ODAD2: variants seen among roughly 807,000 people sequenced by gnomAD.
ODAD2 encodes the protein outer dynein arm-docking complex subunit 2.
In ODAD2, 89 loss-of-function variants were observed where a neutral mutation model predicts 106.8. The observed-to-expected ratio is 0.83, with a 90% CI of 0.70 to 0.99. The LOEUF is 0.99. Among genes scored for constraint, ODAD2 ranks in the 50% least tolerant of loss-of-function variants. ODAD2 has a pLI of 0.00. For synonymous variants in ODAD2, 404 were observed against 436.2 expected (o/e 0.93, Z 0.92); for missense variants, 1,168 against 1,238.5 (o/e 0.94, Z 0.85).
At chr10:27,924,614 GAAAAAA>G (rs60226782) in intron 16 of ODAD2, among the ~76,000 whole-genome samples, 10 of 12,648 alleles carry the variant, frequency 7.9e-4, no homozygotes, top group South Asian at 6.7e-3. Context: ...TGATTAGGAG[GAAAAAA>G]AAAAAAAAAA....
At chr10:27,893,171 GAA>G (rs2133725566) in intron 17 of ODAD2, among the ~76,000 whole-genome samples, 1 of 151,144 alleles carries the variant, frequency 6.6e-6, no homozygotes, top group East Asian at 1.9e-4. Flanking sequence ...AAAAAAAGAA[GAA>G]GAAAAGAAAG....
chr10:27,940,420 A>G, intron 13 of ODAD2, 143 bp downstream of exon 13: 9 of 881,948 alleles, frequency 1.0e-5, no homozygotes, highest in East Asian at 2.6e-5. Context: ...TTAACGTCCT[A>G]TCAGTTGGAT....
At chr10:27,915,897 T>C (rs912654644) in intron 16 of ODAD2, among the ~76,000 whole-genome samples, 17 of 152,138 alleles carry the variant, frequency 1.1e-4, no homozygotes, top group African/African-American at 4.1e-4. Context: ...TGTTCACATT[T>C]GTTCATATAT....
At chr10:27,895,127 A>T (rs1366720536) in intron 17 of ODAD2, among the ~76,000 whole-genome samples, 1 of 150,796 alleles carries the variant, frequency 6.6e-6, no homozygotes, top group Non-Finnish European at 1.5e-5. Flanking sequence ...GCTTTTCTTT[A>T]GTTTCTAAAA....
intron 19 of ODAD2, among the ~76,000 whole-genome samples, chr10:27,831,793 TG>T (rs1280922961): frequency 2.6e-5 from 4 of 152,252 alleles, no homozygotes; most frequent in Non-Finnish European, 5.9e-5. Context: ...CCCAGCTGTG[TG>T]TCTTTATGTT....
chr10:27,848,125 G>A (rs1020396999), intron 19 of ODAD2, among the ~76,000 whole-genome samples: 20 of 152,252 alleles, frequency 1.3e-4, no homozygotes, highest in African/African-American at 4.8e-4. Flanking sequence ...ACAATCCTAA[G>A]CCAAAAGAAC....
intron 17 of ODAD2, among the ~76,000 whole-genome samples, chr10:27,896,032 T>A (rs1223879555): frequency 1.3e-5 from 2 of 152,210 alleles, no homozygotes; most frequent in Non-Finnish European, 2.9e-5. Context: ...CTCTCTCTCA[T>A]TTCAAGCGTT....
rs762544821 is a variant in ODAD2 at position 27,936,816 on chromosome 10, C to T, written c.2162G>A (p.Ser721Asn). 3.7e-6 allele frequency: 6 copies of T among 1,613,856 alleles called. No individual in the cohort carries two copies. The Admixed American group carries it at 1.0e-4, about 27-fold the overall frequency. ...RLHGGLKPLASLLNNTDNKER... is the reference protein window; with the variant it reads ...RLHGGLKPLANLLNNTDNKER... ...TTTATTGTCAGTGTTATTGAGTAGACTGGCCAAGGGCTTAAGTCCTCCGTG... is the reference window on the plus strand; with the variant it reads ...TTTATTGTCAGTGTTATTGAGTAGATTGGCCAAGGGCTTAAGTCCTCCGTG... Residue 721 changes from serine to asparagine, a missense_variant, in exon 15 of 20, where the codon AGT becomes AAT. Transcript: ENST00000305242.
At chr10:27,906,648 G>A (rs1395079032) in intron 17 of ODAD2, among the ~76,000 whole-genome samples, 3 of 152,082 alleles carry the variant, frequency 2.0e-5, no homozygotes, top group Non-Finnish European at 4.4e-5. Context: ...ATAAAGAAAA[G>A]GTGGCATTTA....
intron 17 of ODAD2, among the ~76,000 whole-genome samples, chr10:27,877,602 C>G (rs1295660327): frequency 6.6e-6 from 1 of 152,114 alleles, no homozygotes; most frequent in Non-Finnish European, 1.5e-5. Flanking sequence ...GAAAGGGAGG[C>G]AGTATATCTG....
intron 19 of ODAD2, among the ~76,000 whole-genome samples, chr10:27,820,556 C>CT (rs1037517011): frequency 3.3e-5 from 5 of 151,910 alleles, no homozygotes; most frequent in African/African-American, 7.3e-5. Context: ...TAGAAGAAAA[C>CT]TTTTAATCTA....
intron 19 of ODAD2, among the ~76,000 whole-genome samples, chr10:27,820,407 A>G (rs1457923644): frequency 6.6e-6 from 1 of 151,748 alleles, no homozygotes; most frequent in African/African-American, 2.4e-5. Flanking sequence ...CCACTGCATA[A>G]ACCAATGGAC....
chr10:27,813,535 G>A (rs893857536), intron 19 of ODAD2: 1 of 151,914 alleles, frequency 6.6e-6, no homozygotes, highest in African/African-American at 2.4e-5. Context: ...TAATAATCCT[G>A]GTAAAAGATT....
intron 16 of ODAD2, among the ~76,000 whole-genome samples, chr10:27,934,767 T>A (rs7901785): frequency 6.6e-6 from 1 of 152,278 alleles, no homozygotes; most frequent in South Asian, 2.1e-4. Flanking sequence ...GGTTTCCACA[T>A]GGGAAATTGA....
At chr10:27,899,745 A>G (rs1843074208) in intron 17 of ODAD2, among the ~76,000 whole-genome samples, 1 of 152,196 alleles carries the variant, frequency 6.6e-6, no homozygotes, top group Non-Finnish European at 1.5e-5. Context: ...AAGCCACTGT[A>G]GACAGACTGC....
chr10:27,843,007 T>G (rs1420045031), intron 19 of ODAD2, among the ~76,000 whole-genome samples: 1 of 152,176 alleles, frequency 6.6e-6, no homozygotes, highest in Non-Finnish European at 1.5e-5. Flanking sequence ...CATGTTCAAA[T>G]TATCCTTCAT....
chr10:27,935,117 A>T lies in ODAD2; in HGVS notation c.2388T>A (p.Cys796Ter). The T allele has an allele frequency of 6.2e-7, 1 of 1,614,024 alleles. No individual in the cohort carries two copies. Among genetic ancestry groups the T allele is most frequent in the Non-Finnish European group, 8.5e-7 (1 of 1,179,918 alleles). The change falls in exon 16 of 20, where the codon TGT (cysteine) becomes TGA (stop). Residue 796 changes from cysteine to a stop codon, truncating the protein, a stop_gained. Transcript: ENST00000305242. LOFTEE classifies it high-confidence loss of function. ...GGTTCACAAGTGGTTGAATGCCACC[A>T]CATTTCCGGACAATGACTCGGTTTT... ...ERENRVIVRKCGGIQPLVNLL... is the reference protein window; with the variant it reads ...ERENRVIVRK
intron 17 of ODAD2, among the ~76,000 whole-genome samples, chr10:27,872,464 C>A (rs1219794939): frequency 4.6e-5 from 7 of 151,836 alleles, no homozygotes; most frequent in Non-Finnish European, 1.5e-5. Context: ...CCAGTTTTTG[C>A]CCATTCAGGA....
At chr10:27,941,432 T>A (rs1301423681) in intron 12 of ODAD2, among the ~76,000 whole-genome samples, 1 of 150,414 alleles carries the variant, frequency 6.6e-6, no homozygotes, top group Admixed American at 6.6e-5. Context: ...CTGCAGTGAG[T>A]TATGATCACA....
Sources: allele counts gnomAD v4.1 joint callset (sites outside exome capture counted in the v4.1 genomes callset), GRCh38; gene constraint gnomAD v4.1.1; transcripts MANE v1.5; gene names NCBI Gene and HGNC (gene_info 2026-07-23, HGNC 2026-07-21).